Variants in SAFB2 observed in about 807,000 individuals in gnomAD.
SAFB2 encodes scaffold attachment factor B2.
SAFB2 carries 32 observed loss-of-function variants against 100.6 expected under a neutral mutation model. That is an observed-to-expected ratio of 0.32 (90% CI 0.24 to 0.43). SAFB2 has a LOEUF of 0.43. SAFB2 is among the 20% of genes least tolerant of loss of function. The pLI is 1.00. For missense variants in SAFB2, 1,185 were observed against 1,163.4 expected (o/e 1.02, Z -0.27); for synonymous variants, 500 against 439.4 (o/e 1.14, Z -1.72).
chr19:5,603,187 G>C (rs1020472193), intron 11 of SAFB2, among the ~76,000 whole-genome samples: 3 of 152,172 alleles, frequency 2.0e-5, no homozygotes, highest in African/African-American at 7.2e-5. Flanking sequence ...AGGTTCACTT[G>C]GGCTTGGGAA....
chr19:5,592,817 G>A lies in SAFB2; in HGVS notation c.2278C>T (p.Arg760Trp), dbSNP rs763274968. Residue 760 changes from arginine to tryptophan, a missense_variant, in exon 16 of 21, where the codon CGG (arginine) becomes TGG (tryptophan). This residue lies in a region of SAFB2 where 740 missense variants were observed against 687.1 expected (regional missense o/e 1.08). Transcript: ENST00000252542. Reference protein sequence around the residue: ...MEDRYRADFPRPDHRFHDFDH... With the variant: ...MEDRYRADFPWPDHRFHDFDH... ...AAGTCGTGAAAGCGGTGGTCTGGCCGGGGAAAGTCTGCACGATATCGGTCC... is the reference window on the plus strand; with the variant it reads ...AAGTCGTGAAAGCGGTGGTCTGGCCAGGGAAAGTCTGCACGATATCGGTCC... The A allele has an allele frequency of 9.9e-6, 16 of 1,613,968 alleles. No individual in the cohort carries two copies. The highest frequency in any genetic ancestry group is 1.6e-4 in the Middle Eastern group (1 of 6,082).
chr19:5,604,342 C>G (rs1914853348), intron 11 of SAFB2, among the ~76,000 whole-genome samples: 1 of 152,164 alleles, frequency 6.6e-6, no homozygotes, highest in African/African-American at 2.4e-5. Context: ...AAGGTGGAGG[C>G]TGCAGTGCCA....
intron 9 of SAFB2, among the ~76,000 whole-genome samples, chr19:5,605,680 G>A (rs1471975437): frequency 6.6e-6 from 1 of 152,192 alleles, no homozygotes; most frequent in Non-Finnish European, 1.5e-5. Flanking sequence ...TTCTGGCTGA[G>A]ATGGGAGAAC....
intron 16 of SAFB2, among the ~76,000 whole-genome samples, 199 bp downstream of exon 16, chr19:5,592,548 T>C (rs1406442936): frequency 6.6e-6 from 1 of 152,212 alleles, no homozygotes; most frequent in Non-Finnish European, 1.5e-5. Context: ...AGCTCTGAGA[T>C]GCCTTCCTCT....
At position 5,613,613 on chromosome 19, in the gene SAFB2, T is replaced by C; in HGVS notation, c.544-86A>G. 7.1e-6 allele frequency: 11 copies of C among 1,557,970 alleles called. No individual in the cohort carries two copies. The South Asian group carries it at 1.2e-4, about 17-fold the overall frequency. The stretch of plus-strand genomic sequence containing the variant: ...ACCTCGCTTAGGCAACTTGTGTGTC[T>C]ATTTCCCTCACGGCACCTTTTGCCA... On this transcript the variant is annotated intron_variant, in intron 4 of 20. Transcript: ENST00000252542.
At chr19:5,601,717 A>AATAAATAAATAC (rs1044496718) in intron 11 of SAFB2, among the ~76,000 whole-genome samples, 2 of 150,150 alleles carry the variant, frequency 1.3e-5, no homozygotes, top group African/African-American at 2.5e-5. Context: ...TCTCAAAATA[A>AATAAATAAATAC]ATAAATAAAT....
intron 2 of SAFB2, among the ~76,000 whole-genome samples, chr19:5,618,226 G>T (rs941793755): frequency 6.6e-6 from 1 of 151,910 alleles, no homozygotes; most frequent in African/African-American, 2.4e-5. Context: ...GCCGGACGTG[G>T]TGGCGGGCGC....
chr19:5,591,618 G>T, intron 17 of SAFB2, 130 bp downstream of exon 17: 1 of 785,662 alleles, frequency 1.3e-6, no homozygotes. Flanking sequence ...ACCCACACTT[G>T]CATACCCGCC....
rs753107421 is a variant in SAFB2, at chr19:5,616,264, A to C, written c.411T>G (p.Thr137=). 6.2e-7 allele frequency: 1 copy of C among 1,614,050 alleles called. No homozygotes were observed. Among genetic ancestry groups the C allele is most frequent in the African/African-American group, 1.3e-5 (1 of 74,918 alleles). The part of the protein sequence containing the change: ...GMMDMSVLDE[T]EVANSSAPDF... Reference sequence around the variant, plus strand: ...CTGGAGCACTGCTATTCGCCACTTCAGTTTCGTCTAGCACACTCATGTCCA... The same window carrying C: ...CTGGAGCACTGCTATTCGCCACTTCCGTTTCGTCTAGCACACTCATGTCCA... Residue 137 remains threonine, a synonymous_variant, in exon 4 of 21, where the codon ACT becomes ACG. Transcript: ENST00000252542.
chr19:5,602,267 G>T (rs1218557109), intron 11 of SAFB2, among the ~76,000 whole-genome samples: 2 of 151,744 alleles, frequency 1.3e-5, no homozygotes, highest in Non-Finnish European at 2.9e-5. Flanking sequence ...CACGAGGTCA[G>T]GAGATCAAGA....
intron 18 of SAFB2, among the ~76,000 whole-genome samples, chr19:5,589,749 C>T (rs959296855): frequency 6.6e-6 from 1 of 152,158 alleles, no homozygotes; most frequent in Admixed American, 6.5e-5. Flanking sequence ...GTGAAGGTGG[C>T]TTTGGACACC....
At position 5,622,506 on chromosome 19, in the gene SAFB2, C is replaced by T. The variant is rs761860974; in HGVS notation, c.186+24G>A. 15 of 1,564,982 alleles carry T rather than the reference C, an allele frequency of 9.6e-6. 1 individual carries two copies. Among genetic ancestry groups the T allele is most frequent in the Admixed American group, 1.8e-5 (1 of 55,162 alleles). Reference sequence around the variant, plus strand: ...GGGCGTGCCCGGGCCTCCTGCGCCACCCCCGAGCCCCGCGCCGCCTCACCT... The same window carrying T: ...GGGCGTGCCCGGGCCTCCTGCGCCATCCCCGAGCCCCGCGCCGCCTCACCT... On this transcript the variant is annotated intron_variant, in intron 1 of 20. Transcript: ENST00000252542.
intron 17 of SAFB2, 58 bp from the exon 18 acceptor site, chr19:5,590,466 T>C: frequency 1.3e-6 from 2 of 1,523,736 alleles, no homozygotes; most frequent in South Asian, 1.3e-5. Context: ...TAGGCCCACC[T>C]TCCGGAAGGC....
intron 9 of SAFB2, among the ~76,000 whole-genome samples, chr19:5,608,691 ACCTT>A (rs1568223322): frequency 2.0e-5 from 3 of 152,152 alleles, no homozygotes; most frequent in Non-Finnish European, 2.9e-5. Flanking sequence ...AATGGTCCGA[ACCTT>A]GTCCCTTGGA....
At chr19:5,600,436 T>C (rs2052631228) in intron 11 of SAFB2, among the ~76,000 whole-genome samples, 176 bp from the exon 12 acceptor site, 1 of 152,236 alleles carries the variant, frequency 6.6e-6, no homozygotes. Context: ...CCTCTTTAGA[T>C]ACAGGCTGTA....
intron 6 of SAFB2, chr19:5,611,912 G>C (rs1376705573): frequency 1.8e-6 from 1 of 541,922 alleles, no homozygotes; most frequent in Non-Finnish European, 3.3e-6. Flanking sequence ...TCGAGTTTTT[G>C]TTCAAGTCTG....
intron 2 of SAFB2, among the ~76,000 whole-genome samples, chr19:5,619,777 G>A (rs1249976851): frequency 2.0e-5 from 3 of 151,818 alleles, no homozygotes; most frequent in African/African-American, 2.4e-5. Context: ...CCCGGGAGGC[G>A]GAGGTTGCAG....
intron 9 of SAFB2, among the ~76,000 whole-genome samples, chr19:5,609,637 T>C (rs902911195): frequency 1.3e-5 from 2 of 152,164 alleles, no homozygotes; most frequent in Non-Finnish European, 2.9e-5. Context: ...ACCAGTCTCT[T>C]TGAGACCAGT....
At chr19:5,602,905 A>ACCC (rs1157478969) in intron 11 of SAFB2, among the ~76,000 whole-genome samples, 14 of 140,048 alleles carry the variant, frequency 1.0e-4, no homozygotes, top group African/African-American at 2.2e-4. Flanking sequence ...TAGAGGGCTC[A>ACCC]CCGCCCCCCC....
Sources: allele counts gnomAD v4.1 joint callset (sites outside exome capture counted in the v4.1 genomes callset), GRCh38; gene constraint gnomAD v4.1.1; regional missense constraint gnomAD v4.1.1; transcripts MANE v1.5; gene names NCBI Gene and HGNC (gene_info 2026-07-23, HGNC 2026-07-21).